Variants in MYO5A observed in about 807,000 individuals in gnomAD.
MYO5A encodes the protein myosin VA.
A neutral mutation model predicts 249.7 loss-of-function variants in MYO5A; 98 were observed. The ratio of observed to expected loss-of-function variants is 0.39; its 90% CI spans 0.33 to 0.46. The LOEUF is 0.46. Ranked by LOEUF, MYO5A falls within the 20% of genes least tolerant of loss-of-function variation. The pLI is 0.98. For missense variants in MYO5A, 1,696 were observed against 2,308.8 expected (o/e 0.73, Z 5.44); for synonymous variants, 778 against 810.6 (o/e 0.96, Z 0.68).
intron 1 of MYO5A, among the ~76,000 whole-genome samples, chr15:52,454,457 C>T (rs1181504576): frequency 1.3e-5 from 2 of 152,026 alleles, no homozygotes; most frequent in African/African-American, 4.8e-5. Flanking sequence ...GACAGATCAC[C>T]CAGACAGAAA....
At chr15:52,459,146 A>ATTTTTTTTTTTTTTTTTTTTTTT in intron 1 of MYO5A, among the ~76,000 whole-genome samples, 1 of 49,056 alleles carries the variant, frequency 2.0e-5, no homozygotes, top group Non-Finnish European at 4.6e-5. Flanking sequence ...ATTTTCCAGA[A>ATTTTTTTTTTTTTTTTTTTTTTT]ATTTTTTTTT....
intron 28 of MYO5A, among the ~76,000 whole-genome samples, chr15:52,350,285 CA>C (rs1295960237): frequency 2.0e-5 from 3 of 152,206 alleles, no homozygotes; most frequent in Admixed American, 6.5e-5. Context: ...TCCACTATTA[CA>C]GGAATTTTAT....
chr15:52,316,801 A>G (rs1050758708), intron 40 of MYO5A, among the ~76,000 whole-genome samples: 9 of 152,374 alleles, frequency 5.9e-5, no homozygotes, highest in African/African-American at 2.2e-4. Context: ...TCAATGTTAT[A>G]TAGAACACTG....
intron 14 of MYO5A, among the ~76,000 whole-genome samples, chr15:52,386,745 G>T (rs561885914): frequency 5.3e-5 from 8 of 151,988 alleles, no homozygotes; most frequent in Non-Finnish European, 1.0e-4. Context: ...ATGGGGTTTT[G>T]CCATGTTGCT....
At chr15:52,428,365 C>T (rs1333993160) in intron 3 of MYO5A, 33 bp downstream of exon 3, 2 of 1,594,232 alleles carry the variant, frequency 1.3e-6, no homozygotes, top group Non-Finnish European at 1.7e-6. Flanking sequence ...AGGAAAGAGT[C>T]CACAGTCTAT....
intron 1 of MYO5A, among the ~76,000 whole-genome samples, chr15:52,460,545 C>G (rs1224600060): frequency 6.6e-6 from 1 of 152,200 alleles, no homozygotes; most frequent in Admixed American, 6.5e-5. Flanking sequence ...ACTCGGCAGG[C>G]TGAGGCAGGA....
intron 1 of MYO5A, among the ~76,000 whole-genome samples, chr15:52,464,141 T>A (rs1291887535): frequency 3.9e-5 from 6 of 152,198 alleles, no homozygotes; most frequent in Admixed American, 3.9e-4. Context: ...AGATAAGGCT[T>A]AAAACCACTA....
At chr15:52,348,787 A>AAAC in intron 29 of MYO5A, 31 bp downstream of exon 29, 1 of 1,391,074 alleles carries the variant, frequency 7.2e-7, no homozygotes, top group Non-Finnish European at 9.6e-7. Flanking sequence ...AAATAGAAGT[A>AAAC]TTTACTAAAA....
intron 1 of MYO5A, among the ~76,000 whole-genome samples, chr15:52,502,144 A>G (rs909518754): frequency 6.6e-6 from 1 of 152,152 alleles, no homozygotes; most frequent in South Asian, 2.1e-4. Context: ...TTATCCGGGC[A>G]TGGCGGCACA....
intron 1 of MYO5A, among the ~76,000 whole-genome samples, chr15:52,471,592 A>ACAC (rs147100275): frequency 6.9e-6 from 1 of 144,872 alleles, no homozygotes; most frequent in African/African-American, 2.6e-5. Flanking sequence ...CTGTCTCTAA[A>ACAC]ACACACACAC....
At chr15:52,346,768 G>GA (rs138325225) in intron 29 of MYO5A, among the ~76,000 whole-genome samples, 3 of 145,298 alleles carry the variant, frequency 2.1e-5, no homozygotes, top group East Asian at 3.9e-4. Context: ...TACATTATGT[G>GA]AAAAAAAATA....
At chr15:52,415,974 T>C in intron 5 of MYO5A, 171 bp downstream of exon 5, 1 of 789,286 alleles carries the variant, frequency 1.3e-6, no homozygotes, top group Non-Finnish European at 2.0e-6. Flanking sequence ...AATGTCTACC[T>C]TACCAAGTTT....
chr15:52,316,233 C>CAAAAAAAAAAAAAAA, intron 40 of MYO5A, among the ~76,000 whole-genome samples: 1 of 60,362 alleles, frequency 1.7e-5, no homozygotes, highest in East Asian at 8.0e-4. Flanking sequence ...GACTCCGTCA[C>CAAAAAAAAAAAAAAA]AAAAAAAAAA....
chr15:52,341,629 T>G (rs554663560), intron 31 of MYO5A, among the ~76,000 whole-genome samples: 9 of 151,366 alleles, frequency 5.9e-5, no homozygotes, highest in Non-Finnish European at 1.3e-4. Flanking sequence ...AACTTAATGA[T>G]GCCATTGCAA....
At chr15:52,453,599 C>G (rs370564213) in intron 1 of MYO5A, among the ~76,000 whole-genome samples, 27 of 152,194 alleles carry the variant, frequency 1.8e-4, no homozygotes, top group African/African-American at 6.0e-4. Context: ...AGTATAATGT[C>G]TGGAAGATAA....
intron 1 of MYO5A, among the ~76,000 whole-genome samples, chr15:52,495,268 A>T (rs1303554313): frequency 6.6e-6 from 1 of 152,228 alleles, no homozygotes; most frequent in Non-Finnish European, 1.5e-5. Context: ...AACCTGGAGG[A>T]CATTATGTTA....
At chr15:52,477,912 T>A (rs956473457) in intron 1 of MYO5A, among the ~76,000 whole-genome samples, 1 of 152,204 alleles carries the variant, frequency 6.6e-6, no homozygotes, top group African/African-American at 2.4e-5. Flanking sequence ...AACTCCATGC[T>A]GGGAGAACCA....
intron 4 of MYO5A, among the ~76,000 whole-genome samples, chr15:52,423,129 A>G (rs370356620): frequency 6.6e-6 from 1 of 152,216 alleles, no homozygotes; most frequent in African/African-American, 2.4e-5. Flanking sequence ...GACGGTGTTC[A>G]ATAAATCTCT....
intron 5 of MYO5A, among the ~76,000 whole-genome samples, chr15:52,415,309 A>C (rs2043427214): frequency 3.3e-5 from 5 of 152,220 alleles, no homozygotes; most frequent in Admixed American, 3.3e-4. Context: ...TAACAAAAGT[A>C]ATTTTTCTCC....
Sources: allele counts gnomAD v4.1 joint callset (sites outside exome capture counted in the v4.1 genomes callset), GRCh38; gene constraint gnomAD v4.1.1; transcripts MANE v1.5; gene names NCBI Gene and HGNC (gene_info 2026-07-23, HGNC 2026-07-21).